PPP2R3C: variants seen among roughly 807,000 people sequenced by gnomAD.
PPP2R3C encodes the protein serine/threonine-protein phosphatase 2A regulatory subunit B'' subunit gamma.
In PPP2R3C, 47 loss-of-function variants were observed where a neutral mutation model predicts 63.7. The observed-to-expected ratio is 0.74, with a 90% CI of 0.58 to 0.94. PPP2R3C has a LOEUF of 0.94. Among genes scored for constraint, PPP2R3C ranks in the 40% least tolerant of loss-of-function variants. PPP2R3C has a pLI of 0.00. For missense variants in PPP2R3C, 421 were observed against 518.4 expected (o/e 0.81, Z 1.82); for synonymous variants, 180 against 177.4 (o/e 1.01, Z -0.12).
rs2046110111 is a variant in PPP2R3C at position 35,099,381 on chromosome 14, A to T, written c.577T>A (p.Leu193Ile). The T allele has an allele frequency of 4.4e-6, 7 of 1,590,018 alleles. No individual in the cohort carries two copies. Among genetic ancestry groups the T allele is most frequent in the Non-Finnish European group, 6.0e-6 (7 of 1,174,888 alleles). ...ATAAGTTCCAATATGTAGTTTTCTA[A>T]ATCCTGAAAATAAAACAAAATAAAG... ...AGQGYLRESDLENYILELIPT... is the reference protein window; with the variant it reads ...AGQGYLRESDIENYILELIPT... The change falls in exon 7 of 13, where the codon TTA becomes ATA. Residue 193 changes from leucine (L) to isoleucine (I), a missense_variant. This residue lies in a region of PPP2R3C where 47 missense variants were observed against 102.3 expected (regional missense o/e 0.46). Transcript: ENST00000261475.
In PPP2R3C at chr14:35,091,216, C is replaced by G. The variant is rs1338038972; in HGVS notation, c.976-9G>C. The G allele has an allele frequency of 1.9e-6, 3 of 1,592,324 alleles. No individual in the cohort carries two copies. The highest frequency in any genetic ancestry group is 2.6e-6 in the Non-Finnish European group (3 of 1,171,938). On this transcript the variant is annotated splice_polypyrimidine_tract_variant and intron_variant, in intron 10 of 12. Coordinates refer to ENST00000261475, the MANE Select transcript of PPP2R3C (RefSeq NM_017917.4). ...AAGTAGGTCTTATAGTCCTACAGAA[C>G]AGAAAATAATGTTCATTAGAGGCCT... is the stretch of plus-strand genomic sequence containing the variant.
chr14:35,087,894 A>C (rs1210762308), intron 12 of PPP2R3C, 57 bp downstream of exon 12: 15 of 1,341,788 alleles, frequency 1.1e-5, no homozygotes, highest in Non-Finnish European at 1.6e-5. Context: ...ATTTCATGTA[A>C]TACAAATGAC....
intron 5 of PPP2R3C, 67 bp downstream of exon 5, chr14:35,108,072 A>G (rs763823123): frequency 2.2e-5 from 35 of 1,568,118 alleles, no homozygotes; most frequent in Non-Finnish European, 2.8e-5. Context: ...AAATACTTAT[A>G]AAAGCACAGA....
intron 6 of PPP2R3C, 145 bp from the exon 7 acceptor site, chr14:35,099,529 A>G: frequency 9.5e-7 from 1 of 1,049,832 alleles, no homozygotes. Context: ...ACTATTTTAC[A>G]TTAAATTTTG....
At chr14:35,092,059 A>G (rs1391058071) in intron 10 of PPP2R3C, among the ~76,000 whole-genome samples, 1 of 150,982 alleles carries the variant, frequency 6.6e-6, no homozygotes, top group Non-Finnish European at 1.5e-5. Context: ...GTGTTAAACT[A>G]TAATTTTCTT....
chr14:35,117,091 G>A, intron 1 of PPP2R3C: 1 of 455,978 alleles, frequency 2.2e-6, no homozygotes, highest in Non-Finnish European at 4.4e-6. Context: ...AGAGAACGCT[G>A]TAGTAGACAC....
At chr14:35,099,171 T>C (rs2046103981) in intron 7 of PPP2R3C, 81 bp downstream of exon 7, 1 of 1,384,302 alleles carries the variant, frequency 7.2e-7, no homozygotes, top group Non-Finnish European at 9.4e-7. Context: ...AATGATATTT[T>C]TCAAGAGTTT....
At chr14:35,107,631 C>T in intron 5 of PPP2R3C, 3 of 456,416 alleles carry the variant, frequency 6.6e-6, no homozygotes, top group South Asian at 3.3e-5. Flanking sequence ...CAAACAGGGA[C>T]AGCTAGTATA....
intron 7 of PPP2R3C, among the ~76,000 whole-genome samples, chr14:35,097,961 C>T (rs2046052949): frequency 1.3e-5 from 2 of 152,094 alleles, no homozygotes; most frequent in African/African-American, 4.8e-5. Context: ...AGCAAAGTCT[C>T]AGTTGCCTTA....
chr14:35,110,431 C>T (rs753658846), intron 3 of PPP2R3C, 94 bp downstream of exon 3: 115 of 781,644 alleles, frequency 1.5e-4, no homozygotes, highest in Middle Eastern at 1.1e-3. Flanking sequence ...CTCTGTAGTA[C>T]GGACTCCATT....
chr14:35,121,692 TAA>T (rs1404269617), intron 1 of PPP2R3C, among the ~76,000 whole-genome samples: 5 of 152,192 alleles, frequency 3.3e-5, no homozygotes, highest in African/African-American at 4.8e-5. Flanking sequence ...TGACTAAAGC[TAA>T]GTTTTTCGTT....
At chr14:35,087,556 T>A (rs1002050370) in intron 12 of PPP2R3C, 4 of 180,022 alleles carry the variant, frequency 2.2e-5, no homozygotes, top group African/African-American at 9.6e-5. Flanking sequence ...TGCGCCACCA[T>A]GCCCAGCTAA....
Position 35,096,749 on chromosome 14 carries a change from T to G in PPP2R3C, c.722A>C (p.Gln241Pro), listed in dbSNP as rs754303483. Residue 241 changes from glutamine to proline, a missense_variant, in exon 8 of 13, where the codon CAA (glutamine) becomes CCA (proline). By Grantham distance (76) the Gln-to-Pro change is moderately conservative. Transcript: ENST00000261475. Reference sequence around the variant, plus strand: ...TAGGAAGCTGCATGCTAAAATATCTTGAATTTTTATCTTTCCTTTAAGAAC... The same window carrying G: ...TAGGAAGCTGCATGCTAAAATATCTGGAATTTTTATCTTTCCTTTAAGAAC... ...DPLRTGKIKIQDILACSFLDD... is the reference protein window; with the variant it reads ...DPLRTGKIKIPDILACSFLDD... The G allele has an allele frequency of 6.3e-7, 1 of 1,585,734 alleles. No homozygotes were observed. The highest frequency in any genetic ancestry group is 1.2e-5 in the South Asian group (1 of 86,590).
intron 10 of PPP2R3C, among the ~76,000 whole-genome samples, chr14:35,092,333 G>C (rs2045848110): frequency 6.6e-6 from 1 of 151,740 alleles, no homozygotes; most frequent in South Asian, 2.1e-4. Flanking sequence ...GCCTCCCAAA[G>C]TGCTGGGACT....
intron 2 of PPP2R3C, 154 bp from the exon 3 acceptor site, chr14:35,110,783 T>C: frequency 1.7e-6 from 1 of 572,098 alleles, no homozygotes; most frequent in South Asian, 2.2e-5. Context: ...CAAAAACTGA[T>C]CCACAGAGAA....
At position 35,118,189 on chromosome 14, in the gene PPP2R3C, C is replaced by T. The variant is rs140506009; in HGVS notation, c.59-1452G>A. Among the ~76,000 whole-genome samples, 283 of 152,220 alleles carry T rather than the reference C, an allele frequency of 1.9e-3. 1 individual carries two copies. The highest frequency in any genetic ancestry group is 3.8e-3 in the Admixed American group (58 of 15,278). On this transcript the variant is annotated intron_variant, in intron 1 of 12. Transcript: ENST00000261475. ...AGACGAGTACAGATTTAACCAACAA[C>T]TGTTTTAACAAATATTGCTATAAGG...
intron 11 of PPP2R3C, 26 bp downstream of exon 11, chr14:35,091,038 AACAATG>A (rs761690076): frequency 1.3e-6 from 2 of 1,571,840 alleles, no homozygotes; most frequent in Non-Finnish European, 1.7e-6. Flanking sequence ...TATCTTAAGG[AACAATG>A]ACTCACTTAT....
chr14:35,085,525 C>T lies in PPP2R3C; in HGVS notation c.*65G>A. On this transcript the variant is annotated 3_prime_UTR_variant, in exon 13 of 13. Transcript: ENST00000261475. ...ATTTAGACCATTTCTGAGGATTTTG[C>T]TTTAAAGGCTTTACATGCAGCATTC... 7.2e-7 allele frequency: 1 copy of T among 1,391,340 alleles called. No individual in the cohort carries two copies. Among genetic ancestry groups the T allele is most frequent in the Non-Finnish European group, 9.7e-7 (1 of 1,035,706 alleles). 86.2% of individuals were successfully genotyped at this position (1,391,340 alleles called of 1,614,324 possible). A position where few individuals can be genotyped will look rare whatever the true frequency, so the allele number is the denominator to read the frequency against.
chr14:35,095,027 G>A, intron 10 of PPP2R3C, 21 bp downstream of exon 10: 1 of 1,590,682 alleles, frequency 6.3e-7, no homozygotes, highest in Non-Finnish European at 8.6e-7. Context: ...TTAAAACTTA[G>A]CAGCAGATTT....
Sources: gnomAD v4.1 joint callset for allele counts (sites outside exome capture counted in the v4.1 genomes callset) on GRCh38, gnomAD v4.1.1 for gene constraint, gnomAD v4.1.1 regional missense constraint, MANE v1.5 for transcripts, NCBI Gene and HGNC (gene_info 2026-07-23, HGNC 2026-07-21) for gene names.